The following ST6GALNAC3 variants were observed in gnomAD, a reference collection of about 807,000 sequenced individuals.
ST6GALNAC3 encodes the protein alpha-N-acetylgalactosaminide alpha-2,6-sialyltransferase 3.
In ST6GALNAC3, 25 loss-of-function variants were observed where a neutral mutation model predicts 32.7. The ratio of observed to expected loss-of-function variants is 0.76; its 90% CI spans 0.56 to 1.07. The LOEUF (loss-of-function observed/expected upper bound fraction) is 1.07. Ranked by LOEUF, ST6GALNAC3 falls within the 50% of genes least tolerant of loss-of-function variation. The pLI is 0.00. For synonymous variants in ST6GALNAC3, 129 were observed against 133.1 expected, an observed-to-expected ratio of 0.97 and a Z score of 0.21; for missense variants, 355 against 382.4, an observed-to-expected ratio of 0.93 and a Z score of 0.60.
intron 2 of ST6GALNAC3, among the ~76,000 whole-genome samples, chr1:76,336,203 A>T (rs1342463234): frequency 1.3e-5 from 2 of 152,224 alleles, no homozygotes; most frequent in Non-Finnish European, 2.9e-5. Context: ...CATTTACATG[A>T]GGAAAGCAAG....
chr1:76,248,930 T>A (rs1657459259), intron 1 of ST6GALNAC3, among the ~76,000 whole-genome samples: 1 of 152,172 alleles, frequency 6.6e-6, no homozygotes, highest in Non-Finnish European at 1.5e-5. Context: ...ATCAATTTCT[T>A]CTCAAAGTAC....
intron 1 of ST6GALNAC3, among the ~76,000 whole-genome samples, chr1:76,263,309 G>C (rs1658349396): frequency 6.6e-6 from 1 of 152,040 alleles, no homozygotes; most frequent in African/African-American, 2.4e-5. Flanking sequence ...TATAGTGCTT[G>C]GGACACTGCC....
chr1:76,283,272 A>G (rs913661399), intron 1 of ST6GALNAC3, among the ~76,000 whole-genome samples: 2 of 152,154 alleles, frequency 1.3e-5, no homozygotes, highest in Admixed American at 6.5e-5. Flanking sequence ...AAAAGAAGAA[A>G]CTATGTTTTC....
At chr1:76,124,926 G>C (rs1483163738) in intron 1 of ST6GALNAC3, among the ~76,000 whole-genome samples, 1 of 152,118 alleles carries the variant, frequency 6.6e-6, no homozygotes, top group Non-Finnish European at 1.5e-5. Context: ...GATTACAAAA[G>C]ACTTGATTAA....
chr1:76,246,678 A>G (rs1657280582), intron 1 of ST6GALNAC3, among the ~76,000 whole-genome samples: 1 of 151,954 alleles, frequency 6.6e-6, no homozygotes, highest in Admixed American at 6.5e-5. Context: ...TCCTCTCAAA[A>G]CTGGTTATTC....
chr1:76,481,800 C>T (rs1409175753), intron 3 of ST6GALNAC3, among the ~76,000 whole-genome samples: 1 of 152,120 alleles, frequency 6.6e-6, no homozygotes, highest in Non-Finnish European at 1.5e-5. Context: ...ATTTTAATAT[C>T]TAAGCATATG....
intron 3 of ST6GALNAC3, among the ~76,000 whole-genome samples, chr1:76,463,935 G>A (rs1008960685): frequency 1.5e-4 from 23 of 152,068 alleles, no homozygotes; most frequent in African/African-American, 5.3e-4. Flanking sequence ...TCCTTGCAAG[G>A]TCACCCAGGT....
intron 3 of ST6GALNAC3, among the ~76,000 whole-genome samples, chr1:76,462,108 C>T (rs1658316244): frequency 6.6e-6 from 1 of 152,102 alleles, no homozygotes; most frequent in East Asian, 1.9e-4. Flanking sequence ...CCCTCCAAAC[C>T]TGTCCCCATC....
chr1:76,509,935 G>A lies in ST6GALNAC3; in HGVS notation c.623+97518G>A, dbSNP rs1003295222. Among the ~76,000 whole-genome samples the A allele has an allele frequency of 1.3e-5, 2 of 152,136 alleles. No individual in the cohort carries two copies. Among genetic ancestry groups the A allele is most frequent in the African/African-American group, 4.8e-5 (2 of 41,424 alleles). On this transcript the variant is annotated intron_variant, in intron 3 of 4. Transcript: ENST00000328299. This position sits in a 1 kb window ranked among gnomAD's most constrained non-coding sequence, Gnocchi z 5.5. The stretch of plus-strand genomic sequence containing the variant: ...TGGCATGTAAAGCAACATATTCACA[G>A]GTTTCAAGTATTAGAGTGGGGATAT...
At chr1:76,492,791 A>G (rs758892408) in intron 3 of ST6GALNAC3, among the ~76,000 whole-genome samples, 1 of 152,194 alleles carries the variant, frequency 6.6e-6, no homozygotes, top group African/African-American at 2.4e-5. Context: ...GAGATGAAGC[A>G]TATGGTTTGA....
intron 1 of ST6GALNAC3, among the ~76,000 whole-genome samples, chr1:76,180,071 A>T (rs529497966): frequency 6.6e-6 from 1 of 152,356 alleles, no homozygotes; most frequent in African/African-American, 2.4e-5. Context: ...TAAAGTGCTA[A>T]CAAATACTTT....
chr1:76,142,077 G>A (rs948338570), intron 1 of ST6GALNAC3, among the ~76,000 whole-genome samples: 2 of 152,134 alleles, frequency 1.3e-5, no homozygotes, highest in Non-Finnish European at 2.9e-5. Flanking sequence ...TGGGCCTTGG[G>A]GGATGGAGCA....
At chr1:76,327,922 A>G (rs1018907342) in intron 2 of ST6GALNAC3, among the ~76,000 whole-genome samples, 2 of 152,214 alleles carry the variant, frequency 1.3e-5, no homozygotes, top group South Asian at 2.1e-4. Flanking sequence ...TTTGGGTACT[A>G]TGATGCAGTC....
chr1:76,333,612 A>G (rs886683962), intron 2 of ST6GALNAC3, among the ~76,000 whole-genome samples: 1 of 152,168 alleles, frequency 6.6e-6, no homozygotes, highest in Non-Finnish European at 1.5e-5. Flanking sequence ...TAATCAGTCA[A>G]TGAAAAAATT....
chr1:76,363,947 C>T (rs577251557), intron 2 of ST6GALNAC3, among the ~76,000 whole-genome samples: 2 of 152,138 alleles, frequency 1.3e-5, no homozygotes, highest in Non-Finnish European at 2.9e-5. Flanking sequence ...ATGATTCAGT[C>T]ACCTCCCACC....
At chr1:76,315,000 G>C (rs1341907051) in intron 2 of ST6GALNAC3, among the ~76,000 whole-genome samples, 2 of 152,012 alleles carry the variant, frequency 1.3e-5, no homozygotes, top group African/African-American at 4.8e-5. Flanking sequence ...TCATATCTGA[G>C]TCATTGCTTC....
intron 3 of ST6GALNAC3, among the ~76,000 whole-genome samples, chr1:76,495,101 C>T (rs2101706948): frequency 6.6e-6 from 1 of 152,214 alleles, no homozygotes; most frequent in East Asian, 1.9e-4. Context: ...ACTCAGTCTA[C>T]TGATTCAAAT....
At chr1:76,221,104 T>C (rs1002166787) in intron 1 of ST6GALNAC3, among the ~76,000 whole-genome samples, 2 of 152,314 alleles carry the variant, frequency 1.3e-5, no homozygotes, top group East Asian at 3.9e-4. Flanking sequence ...AATCAAAGGT[T>C]CTAAGACTGC....
chr1:76,477,467 C>A (rs923850534), intron 3 of ST6GALNAC3, among the ~76,000 whole-genome samples: 3 of 152,128 alleles, frequency 2.0e-5, no homozygotes, highest in Non-Finnish European at 4.4e-5. Flanking sequence ...GATCCTGGAG[C>A]AAATTTGGTC....
Sources: allele counts gnomAD v4.1 joint callset (sites outside exome capture counted in the v4.1 genomes callset), GRCh38; gene constraint gnomAD v4.1.1; non-coding constraint Gnocchi (gnomAD v3.1); transcripts MANE v1.5; gene names NCBI Gene and HGNC (gene_info 2026-07-23, HGNC 2026-07-21).